The following NAV3 variants were observed in gnomAD, a reference collection of about 807,000 sequenced individuals.
NAV3 encodes neuron navigator 3, also known as pore membrane and/or filament interacting like protein 1.
NAV3 carries 87 observed loss-of-function variants against 244.7 expected under a neutral mutation model. That is an observed-to-expected ratio of 0.36 (90% CI 0.30 to 0.42). The LOEUF (loss-of-function observed/expected upper bound fraction) is 0.42, where lower values mean the gene tolerates loss of function less well. Among genes scored for constraint, NAV3 ranks in the 20% least tolerant of loss-of-function variants. The pLI is 1.00. For missense variants in NAV3, 2,663 were observed against 2,893.3 expected (o/e 0.92, Z 1.83); for synonymous variants, 1,126 against 1,042.2 (o/e 1.08, Z -1.55).
chr12:77,782,285 C>G (rs1870704681), intron 2 of NAV3, among the ~76,000 whole-genome samples: 1 of 150,100 alleles, frequency 6.7e-6, no homozygotes. Flanking sequence ...TTCCCGTCCC[C>G]TCCCCTCCCC....
At chr12:77,891,565 A>G (rs184191891) in intron 1 of NAV3, among the ~76,000 whole-genome samples, 262 of 152,230 alleles carry the variant, frequency 1.7e-3, no homozygotes, top group Non-Finnish European at 2.2e-3. Flanking sequence ...TTCCAGTCCT[A>G]TTATTTATGA....
At chr12:77,684,988 G>A (rs7968541) in intron 2 of NAV3, among the ~76,000 whole-genome samples, 3,679 of 152,082 alleles carry the variant, frequency 0.024, 153 homozygotes, top group African/African-American at 0.083. Context: ...TGTTCCATTG[G>A]TCTATTCATG....
chr12:77,999,464 A>G (rs555660382), intron 7 of NAV3, among the ~76,000 whole-genome samples: 1 of 152,320 alleles, frequency 6.6e-6, no homozygotes, highest in Non-Finnish European at 1.5e-5. Flanking sequence ...ATTGTTTCAT[A>G]TAGGCAAATG....
intron 12 of NAV3, among the ~76,000 whole-genome samples, chr12:78,071,346 G>C (rs1050020279): frequency 2.0e-5 from 3 of 152,070 alleles, no homozygotes; most frequent in African/African-American, 7.2e-5. Context: ...CTGCATAAAT[G>C]TCTTCTTTTG....
At chr12:77,838,294 G>A (rs1875015942) in intron 1 of NAV3, among the ~76,000 whole-genome samples, 1 of 152,190 alleles carries the variant, frequency 6.6e-6, no homozygotes, top group Non-Finnish European at 1.5e-5. Flanking sequence ...AGAAGGCTCA[G>A]CTTTTCATTA....
chr12:77,967,815 T>G (rs1458027897), intron 4 of NAV3, among the ~76,000 whole-genome samples: 1 of 152,166 alleles, frequency 6.6e-6, no homozygotes, highest in East Asian at 1.9e-4. Flanking sequence ...GCTTATTCAA[T>G]TATGTTATCT....
intron 17 of NAV3, among the ~76,000 whole-genome samples, chr12:78,127,464 A>G (rs138101030): frequency 0.015 from 2,210 of 152,038 alleles, 54 homozygotes; most frequent in African/African-American, 0.049. Context: ...AAATAATACT[A>G]AACAAACAAA....
intron 36 of NAV3, among the ~76,000 whole-genome samples, 191 bp downstream of exon 36, chr12:78,198,867 A>T (rs1446296892): frequency 1.3e-5 from 2 of 151,326 alleles, no homozygotes; most frequent in Non-Finnish European, 3.0e-5. Flanking sequence ...TTCTCAAGCC[A>T]ACGTTTTGTG....
rs921867230 is a variant in NAV3, at chr12:77,812,404, CT to C, written c.73-127904del. Among the ~76,000 whole-genome samples, 117 of 146,662 alleles carry C rather than the reference CT, an allele frequency of 8.0e-4. 1 individual carries two copies. Among genetic ancestry groups the C allele is most frequent in the Middle Eastern group, 3.5e-3 (1 of 284 alleles). On this transcript the variant is annotated intron_variant, in intron 2 of 8. Transcript: ENST00000550042. Reference sequence around the variant, plus strand: ...AAAAACTGAGGAATTTCATTTCTTTCTTTTTTTTTTTAACTTTTATTTTTTT... The same window carrying C: ...AAAAACTGAGGAATTTCATTTCTTTCTTTTTTTTTTAACTTTTATTTTTTT...
chr12:77,931,673 T>G (rs552620930), intron 1 of NAV3, among the ~76,000 whole-genome samples: 202 of 152,206 alleles, frequency 1.3e-3, no homozygotes, highest in Non-Finnish European at 2.2e-3. Flanking sequence ...GAGACCATCC[T>G]GGCTAACACG....
chr12:78,021,182 T>C (rs760536217), intron 8 of NAV3, among the ~76,000 whole-genome samples: 2 of 152,116 alleles, frequency 1.3e-5, no homozygotes, highest in Non-Finnish European at 1.5e-5. Flanking sequence ...TGTACATACA[T>C]AGACAAATGT....
intron 2 of NAV3, among the ~76,000 whole-genome samples, chr12:77,589,221 T>C (rs1003976488): frequency 6.6e-6 from 1 of 152,224 alleles, no homozygotes; most frequent in Non-Finnish European, 1.5e-5. Flanking sequence ...ATCCTGGCTC[T>C]GTGGATTTTG....
chr12:78,132,061 G>T (rs1956188838), intron 18 of NAV3, among the ~76,000 whole-genome samples: 2 of 152,076 alleles, frequency 1.3e-5, no homozygotes, highest in African/African-American at 4.8e-5. Flanking sequence ...TCAAATATTT[G>T]TGCAAAGATA....
chr12:78,173,854 A>T (rs1189853811), intron 24 of NAV3, among the ~76,000 whole-genome samples: 1 of 151,708 alleles, frequency 6.6e-6, no homozygotes, highest in Non-Finnish European at 1.5e-5. Context: ...GTGAGGATAC[A>T]CATATACACA....
chr12:77,762,754 T>C (rs2043683183), intron 2 of NAV3, among the ~76,000 whole-genome samples: 1 of 152,042 alleles, frequency 6.6e-6, no homozygotes, highest in Admixed American at 6.6e-5. Flanking sequence ...GTTGTTGTTG[T>C]TGTTAAATGT....
rs1026625720 is a variant in NAV3, at chr12:78,197,752, C to A, written c.6446+351C>A. 5.3e-5 allele frequency among the ~76,000 whole-genome samples: 8 copies of A among 151,992 alleles called. No individual in the cohort carries two copies. The South Asian group carries it at 1.5e-3, about 28-fold the overall frequency. The stretch of plus-strand genomic sequence containing the variant: ...CTATGTATTCATTCAACAACCATAT[C>A]CCAGGCACTCTTATGGAAACATTAC... On this transcript the variant is annotated intron_variant, in intron 35 of 39. Coordinates refer to ENST00000397909, the MANE Select transcript of NAV3 (RefSeq NM_001024383.2).
chr12:77,779,551 TC>T (rs1438392899), intron 2 of NAV3, among the ~76,000 whole-genome samples: 3 of 152,226 alleles, frequency 2.0e-5, no homozygotes, highest in African/African-American at 7.2e-5. Context: ...ATCATAATTT[TC>T]CTTTTTCTTT....
chr12:77,841,157 A>G (rs1344476632), intron 1 of NAV3, among the ~76,000 whole-genome samples: 1 of 152,208 alleles, frequency 6.6e-6, no homozygotes, highest in African/African-American at 2.4e-5. Flanking sequence ...TCATAGAATT[A>G]TTTGTTAAAA....
chr12:77,873,744 G>GTATATATATATATA (rs556787799), intron 1 of NAV3, among the ~76,000 whole-genome samples: 29 of 73,142 alleles, frequency 4.0e-4, no homozygotes, highest in South Asian at 1.3e-3. Context: ...ATGTGTGTGT[G>GTATATATATATATA]TATATATATA....
Sources: allele counts gnomAD v4.1 joint callset (sites outside exome capture counted in the v4.1 genomes callset), GRCh38; gene constraint gnomAD v4.1.1; transcripts MANE v1.5; gene names NCBI Gene and HGNC (gene_info 2026-07-23, HGNC 2026-07-21).